Variants in PCDHGA1 observed in about 807,000 individuals in gnomAD.
The protein encoded by PCDHGA1 is protocadherin gamma subfamily A, 1.
Under a neutral mutation model 58.0 loss-of-function variants are expected in PCDHGA1, and 32 were observed. That is an observed-to-expected ratio of 0.55 (90% CI 0.42 to 0.74). PCDHGA1 has a LOEUF of 0.74. PCDHGA1 is among the 30% of genes least tolerant of loss of function. The probability of loss-of-function intolerance (pLI) is 0.00; values close to 1 mark genes in which losing one functional copy is unlikely to be tolerated. For missense variants in PCDHGA1, 1,205 were observed against 1,182.3 expected, an observed-to-expected ratio of 1.02 and a Z score of -0.28; for synonymous variants, 498 against 501.1, an observed-to-expected ratio of 0.99 and a Z score of 0.08.
intron 1 of PCDHGA1, chr5:141,417,959 C>A (rs759279387): frequency 5.0e-6 from 8 of 1,613,734 alleles, no homozygotes; most frequent in Non-Finnish European, 6.8e-6. Context: ...TGAGCCGATC[C>A]GCTACTCGAT....
chr5:141,477,988 C>T lies in PCDHGA1; in HGVS notation c.2422-16819C>T, dbSNP rs771241128. The T allele has an allele frequency of 6.2e-7, 1 of 1,614,160 alleles. No individual in the cohort carries two copies. Among genetic ancestry groups the T allele is most frequent in the Non-Finnish European group, 8.5e-7 (1 of 1,180,032 alleles). On this transcript the variant is annotated intron_variant, in intron 1 of 3. Coordinates refer to ENST00000517417, the MANE Select transcript of PCDHGA1 (RefSeq NM_018912.3). This position sits in a 1 kb window ranked among gnomAD's most constrained non-coding sequence, Gnocchi z 4.9. ...AGAGCCTTTTTGCCATAGGGCTGCA[C>T]ACTGGTCAAATCAGTACTGCCCGTC...
intron 1 of PCDHGA1, chr5:141,478,790 C>T: frequency 6.8e-7 from 1 of 1,472,906 alleles, no homozygotes. Flanking sequence ...AATTCACATC[C>T]TCAGCACTCT....
Position 141,332,218 on chromosome 5 carries a change from G to A in PCDHGA1, c.1534G>A (p.Gly512Arg). 6.2e-7 allele frequency: 1 copy of A among 1,614,194 alleles called. No individual in the cohort carries two copies. Residue 512 changes from glycine to arginine, a missense_variant, in exon 1 of 4, where the codon GGG (glycine) becomes AGG (arginine). By Grantham distance (125) the Gly-to-Arg change is moderately radical. Transcript: ENST00000517417. This position sits in a 1 kb window ranked among gnomAD's most constrained non-coding sequence, Gnocchi z 4.6. Reference protein sequence around the residue: ...SAYLSINSDTGVLYALRSFDY... With the variant: ...SAYLSINSDTRVLYALRSFDY... ...CTACCTCTCCATCAACTCCGACACT[G>A]GGGTCCTGTATGCGCTGCGATCCTT...
intron 1 of PCDHGA1, chr5:141,361,785 G>A: frequency 6.2e-7 from 1 of 1,613,268 alleles, no homozygotes; most frequent in Admixed American, 1.7e-5. Flanking sequence ...GCCTGCGCGT[G>A]TTAGTGGGCG....
chr5:141,404,551 G>C (rs764332245), intron 1 of PCDHGA1: 1 of 1,613,866 alleles, frequency 6.2e-7, no homozygotes, highest in Non-Finnish European at 8.5e-7. Flanking sequence ...TGCAGGTGAC[G>C]GCAAGTGACA....
intron 1 of PCDHGA1, among the ~76,000 whole-genome samples, chr5:141,460,958 T>C (rs182414946): frequency 8.2e-6 from 1 of 121,926 alleles, no homozygotes; most frequent in Non-Finnish European, 1.6e-5. Context: ...TATGTATATA[T>C]ATATGTGTGT....
In PCDHGA1 at chr5:141,418,980, A is replaced by G; in HGVS notation, c.2422-75827A>G. 1 of 1,614,004 alleles carries G rather than the reference A, an allele frequency of 6.2e-7. No individual in the cohort carries two copies. ...GTTGCCCTCTTCAAAACACGGGACC[A>G]AGACTCAGGGGAAAATGGGGAAGTC... On this transcript the variant is annotated intron_variant, in intron 1 of 3. Transcript: ENST00000517417.
intron 1 of PCDHGA1, chr5:141,362,068 G>A (rs62621761): frequency 1.2e-6 from 2 of 1,612,460 alleles, no homozygotes; most frequent in South Asian, 1.1e-5. Flanking sequence ...CCTGCTGGTC[G>A]CTGTGCGTGA....
At chr5:141,337,826 T>C (rs1186291693) in intron 1 of PCDHGA1, among the ~76,000 whole-genome samples, 21 of 152,218 alleles carry the variant, frequency 1.4e-4, no homozygotes, top group Admixed American at 1.4e-3. Context: ...TTTTACACCC[T>C]TGGAAAATGA....
At chr5:141,393,512 G>A in intron 1 of PCDHGA1, 1 of 1,613,996 alleles carries the variant, frequency 6.2e-7, no homozygotes, top group Non-Finnish European at 8.5e-7. Flanking sequence ...TGACAGTGTT[G>A]GATACAAATG....
intron 1 of PCDHGA1, among the ~76,000 whole-genome samples, chr5:141,464,557 C>A (rs1342964264): frequency 6.6e-6 from 1 of 152,132 alleles, no homozygotes; most frequent in Non-Finnish European, 1.5e-5. Context: ...CCCCATCTTG[C>A]ATTCCTACAA....
intron 1 of PCDHGA1, chr5:141,403,387 C>T: frequency 6.2e-7 from 1 of 1,614,042 alleles, no homozygotes; most frequent in Non-Finnish European, 8.5e-7. Context: ...TTAACGAAAT[C>T]GCGGTTCCTG....
intron 1 of PCDHGA1, among the ~76,000 whole-genome samples, chr5:141,467,743 C>T (rs1166073224): frequency 8.5e-5 from 13 of 152,052 alleles, no homozygotes; most frequent in Non-Finnish European, 1.8e-4. Flanking sequence ...CTCGCTGCAA[C>T]CTCCGCCTCA....
chr5:141,347,171 CTTTCTT>C (rs1561493541), intron 1 of PCDHGA1, among the ~76,000 whole-genome samples: 4 of 144,296 alleles, frequency 2.8e-5, no homozygotes, highest in African/African-American at 1.0e-4. Context: ...TTCTTTCTTT[CTTTCTT>C]TCTTGACAGG....
chr5:141,373,819 A>G, intron 1 of PCDHGA1: 1 of 365,074 alleles, frequency 2.7e-6, no homozygotes, highest in Non-Finnish European at 4.9e-6. Context: ...GTTTCACAAA[A>G]CGATGCAGTA....
rs776349562 is a variant in PCDHGA1 at position 141,491,131 on chromosome 5, G to T, written c.2422-3676G>T. The T allele has an allele frequency of 6.2e-7, 1 of 1,614,182 alleles. No individual in the cohort carries two copies. Among genetic ancestry groups the T allele is most frequent in the Non-Finnish European group, 8.5e-7 (1 of 1,180,008 alleles). On this transcript the variant is annotated intron_variant, in intron 1 of 3. Coordinates refer to ENST00000517417, the MANE Select transcript of PCDHGA1 (RefSeq NM_018912.3). This position sits in a 1 kb window ranked among gnomAD's most constrained non-coding sequence, Gnocchi z 6.9. ...TACACACACTGGTGAGGTGCGCACA[G>T]CCCGGGCCTTACTGGAGGATGACTC...
At chr5:141,478,519 G>T (rs778194073) in intron 1 of PCDHGA1, 19 of 1,610,728 alleles carry the variant, frequency 1.2e-5, no homozygotes, top group Non-Finnish European at 1.6e-5. Flanking sequence ...GGCAGGTGTT[G>T]GGTGCAGAGA....
At chr5:141,364,319 A>G in intron 1 of PCDHGA1, 1 of 1,525,796 alleles carries the variant, frequency 6.6e-7, no homozygotes, top group Non-Finnish European at 8.8e-7. Context: ...AAAATTGGGC[A>G]GAGAGAAGGC....
At chr5:141,374,511 T>G in intron 1 of PCDHGA1, 1 of 1,611,912 alleles carries the variant, frequency 6.2e-7, no homozygotes, top group Non-Finnish European at 8.5e-7. Flanking sequence ...GTGAAAATTC[T>G]CGAAAACGCA....
Sources: allele counts gnomAD v4.1 joint callset (sites outside exome capture counted in the v4.1 genomes callset), GRCh38; gene constraint gnomAD v4.1.1; non-coding constraint Gnocchi (gnomAD v3.1); transcripts MANE v1.5; gene names NCBI Gene and HGNC (gene_info 2026-07-23, HGNC 2026-07-21).